Variants in CLVS1 observed in about 807,000 individuals in gnomAD.
The protein encoded by CLVS1 is clavesin-1.
Under a neutral mutation model 33.1 loss-of-function variants are expected in CLVS1, and 10 were observed. The observed-to-expected ratio is 0.30, with a 90% CI of 0.19 to 0.51. CLVS1 has a LOEUF of 0.51. CLVS1 is among the 20% of genes least tolerant of loss of function. CLVS1 has a pLI of 0.97. For missense variants in CLVS1, 343 were observed against 433.4 expected (o/e 0.79, Z 1.85); for synonymous variants, 163 against 166.1 (o/e 0.98, Z 0.14).
intron 2 of CLVS1, among the ~76,000 whole-genome samples, chr8:61,348,558 CT>C (rs1425921788): frequency 2.6e-5 from 4 of 152,128 alleles, no homozygotes; most frequent in African/African-American, 9.7e-5. Flanking sequence ...GGATTTCCTA[CT>C]TTTTATGGCT....
chr8:61,138,978 T>G (rs778980768), intron 2 of CLVS1, among the ~76,000 whole-genome samples: 1 of 152,264 alleles, frequency 6.6e-6, no homozygotes, highest in Non-Finnish European at 1.5e-5. Context: ...TCCGCGACAA[T>G]GGCTTCTCCT....
At chr8:61,235,296 C>T (rs1808532085) in intron 2 of CLVS1, among the ~76,000 whole-genome samples, 1 of 152,150 alleles carries the variant, frequency 6.6e-6, no homozygotes, top group Non-Finnish European at 1.5e-5. Flanking sequence ...GAGGGTGATT[C>T]CACTGCAATG....
intron 1 of CLVS1, among the ~76,000 whole-genome samples, chr8:61,095,610 G>A (rs1295910636): frequency 1.3e-5 from 2 of 152,112 alleles, no homozygotes; most frequent in African/African-American, 4.8e-5. Context: ...AAGCTTGCCC[G>A]AGAGGATCTT....
chr8:61,017,765 T>G, the CLVS1 span, among the ~76,000 whole-genome samples: 1 of 152,102 alleles, frequency 6.6e-6, no homozygotes, highest in Non-Finnish European at 1.5e-5. Flanking sequence ...TGAGGAACCC[T>G]GGTCTGAGAT....
the CLVS1 span, among the ~76,000 whole-genome samples, chr8:61,010,831 T>C: frequency 6.6e-6 from 1 of 152,246 alleles, no homozygotes; most frequent in Non-Finnish European, 1.5e-5. Flanking sequence ...GTTCCTGTCA[T>C]TGTTTGTCAA....
intron 2 of CLVS1, among the ~76,000 whole-genome samples, chr8:61,215,135 A>C (rs1054436753): frequency 1.3e-5 from 2 of 152,196 alleles, no homozygotes; most frequent in African/African-American, 4.8e-5. Context: ...TTTTATGGTC[A>C]AAGATGGGAT....
intron 3 of CLVS1, among the ~76,000 whole-genome samples, chr8:61,451,826 G>C (rs1461706352): frequency 6.6e-6 from 1 of 151,972 alleles, no homozygotes; most frequent in Non-Finnish European, 1.5e-5. Context: ...GAGAGAGAGA[G>C]AGAGAGAGAG....
At chr8:61,325,944 C>T (rs115261498) in intron 2 of CLVS1, among the ~76,000 whole-genome samples, 199 of 152,190 alleles carry the variant, frequency 1.3e-3, no homozygotes, top group African/African-American at 4.4e-3. Flanking sequence ...CACTTTCTGC[C>T]GATCCACAAG....
intron 2 of CLVS1, among the ~76,000 whole-genome samples, chr8:61,206,221 T>C (rs16927000): frequency 0.071 from 10,782 of 152,264 alleles, 498 homozygotes; most frequent in East Asian, 0.15. Context: ...AAACTGGTTA[T>C]CTTTGTTAAA....
At chr8:60,972,093 G>A in the CLVS1 span, among the ~76,000 whole-genome samples, 1 of 152,050 alleles carries the variant, frequency 6.6e-6, no homozygotes, top group African/African-American at 2.4e-5. Context: ...CTCATGTCTG[G>A]TGTGCCTTGG....
chr8:61,031,164 G>T, the CLVS1 span, among the ~76,000 whole-genome samples: 1 of 152,224 alleles, frequency 6.6e-6, no homozygotes, highest in African/African-American at 2.4e-5. Context: ...AGAATGCCAG[G>T]CCTGGTGCCT....
intron 2 of CLVS1, among the ~76,000 whole-genome samples, chr8:61,326,476 G>C (rs559140963): frequency 6.6e-6 from 1 of 152,256 alleles, no homozygotes; most frequent in South Asian, 2.1e-4. Context: ...AAGGGCAAAA[G>C]TTGTGAGGTC....
chr8:61,128,612 C>T (rs956835917), intron 1 of CLVS1, among the ~76,000 whole-genome samples: 2 of 152,230 alleles, frequency 1.3e-5, no homozygotes, highest in African/African-American at 2.4e-5. Flanking sequence ...TGACATCAGT[C>T]CCTGTGCTCT....
chr8:61,141,846 G>A (rs1300958627), intron 2 of CLVS1, among the ~76,000 whole-genome samples: 5 of 152,284 alleles, frequency 3.3e-5, no homozygotes, highest in Middle Eastern at 3.4e-3. Flanking sequence ...AGTCAGCCCC[G>A]TCTACCATAT....
chr8:61,164,521 C>T (rs1279462960), intron 2 of CLVS1, among the ~76,000 whole-genome samples: 2 of 152,172 alleles, frequency 1.3e-5, no homozygotes, highest in Non-Finnish European at 2.9e-5. Flanking sequence ...GCCGCCCCCA[C>T]ATATCCCCAT....
the CLVS1 span, among the ~76,000 whole-genome samples, chr8:61,012,555 G>A: frequency 4.6e-5 from 7 of 152,312 alleles, no homozygotes; most frequent in Admixed American, 1.3e-4. Flanking sequence ...GTGTCGTGTT[G>A]TACTGACATG....
At chr8:61,266,687 T>C (rs1008291850) in intron 2 of CLVS1, among the ~76,000 whole-genome samples, 1 of 152,216 alleles carries the variant, frequency 6.6e-6, no homozygotes, top group Non-Finnish European at 1.5e-5. Flanking sequence ...GTTGTCCCTG[T>C]GGCAATAGCT....
At chr8:61,397,603 G>A (rs1057219407) in intron 3 of CLVS1, among the ~76,000 whole-genome samples, 21 of 152,122 alleles carry the variant, frequency 1.4e-4, no homozygotes, top group African/African-American at 4.1e-4. Context: ...CTACCCCAAA[G>A]TCAAGATGAT....
At chr8:60,998,789 G>A in the CLVS1 span, among the ~76,000 whole-genome samples, 2 of 152,208 alleles carry the variant, frequency 1.3e-5, no homozygotes, top group South Asian at 2.1e-4. Context: ...ACCTGTAGTA[G>A]AGGTTTGCTG....
Sources: allele counts gnomAD v4.1 joint callset (sites outside exome capture counted in the v4.1 genomes callset), GRCh38; gene constraint gnomAD v4.1.1; transcripts MANE v1.5; gene names NCBI Gene and HGNC (gene_info 2026-07-23, HGNC 2026-07-21).